STXBP5: variants seen among roughly 807,000 people sequenced by gnomAD.
STXBP5 encodes the protein syntaxin binding protein 5.
A neutral mutation model predicts 152.4 loss-of-function variants in STXBP5; 50 were observed. The ratio of observed to expected loss-of-function variants is 0.33; its 90% CI spans 0.26 to 0.42. The LOEUF (loss-of-function observed/expected upper bound fraction) is 0.42, where lower values mean the gene tolerates loss of function less well. Among genes scored for constraint, STXBP5 ranks in the 10% least tolerant of loss-of-function variants. STXBP5 has a pLI of 1.00. For missense variants in STXBP5, 1,167 were observed against 1,388.6 expected (o/e 0.84, Z 2.54); for synonymous variants, 492 against 494.7 (o/e 0.99, Z 0.07).
intron 21 of STXBP5, among the ~76,000 whole-genome samples, chr6:147,350,874 T>C (rs1364696264): frequency 1.3e-5 from 2 of 152,196 alleles, no homozygotes; most frequent in Non-Finnish European, 2.9e-5. Context: ...TATCCTCATA[T>C]GACAAATGAT....
intron 19 of STXBP5, 140 bp from the exon 20 acceptor site, chr6:147,339,039 C>G: frequency 1.5e-6 from 1 of 673,914 alleles, no homozygotes. Context: ...TTTACTTATA[C>G]ATGGCCTCTT....
At chr6:147,335,763 T>C (rs1450196651) in intron 19 of STXBP5, among the ~76,000 whole-genome samples, 1 of 151,590 alleles carries the variant, frequency 6.6e-6, no homozygotes, top group Non-Finnish European at 1.5e-5. Context: ...ATCGCGCCAC[T>C]GCACTCCAGC....
At chr6:147,365,013 A>AGTC (rs1785231419) in intron 25 of STXBP5, among the ~76,000 whole-genome samples, 1 of 152,176 alleles carries the variant, frequency 6.6e-6, no homozygotes, top group Non-Finnish European at 1.5e-5. Flanking sequence ...TCATCTTTAA[A>AGTC]ATTAGCATAG....
Position 147,313,914 on chromosome 6 carries a change from G to A in STXBP5, c.1176G>A (p.Leu392=). 1 of 1,578,754 alleles carries A rather than the reference G, an allele frequency of 6.3e-7. No individual in the cohort carries two copies. Among genetic ancestry groups the A allele is most frequent in the Non-Finnish European group, 8.6e-7 (1 of 1,156,500 alleles). Residue 392 remains leucine (L), a synonymous_variant, in exon 12 of 28, where the codon TTG becomes TTA. Transcript: ENST00000321680. ...GYPIFENPYP[L]SIHESPVTCC... ...CTATATTTGAAAATCCCTACCCTTT[G>A]AGTATACATGAGTCCCCTGTTACAT...
At chr6:147,267,195 A>G (rs748742251) in intron 7 of STXBP5, 28 bp downstream of exon 7, 30 of 1,557,460 alleles carry the variant, frequency 1.9e-5, no homozygotes, top group Non-Finnish European at 2.3e-5. Flanking sequence ...AGTAAAAGCT[A>G]TGGTCATTTC....
chr6:147,319,444 T>C (rs1392997551), intron 16 of STXBP5, among the ~76,000 whole-genome samples: 2 of 152,200 alleles, frequency 1.3e-5, no homozygotes, highest in Non-Finnish European at 2.9e-5. Flanking sequence ...TTTAGACCTT[T>C]GAGCATATGA....
Position 147,213,477 on chromosome 6 carries a change from T to TGTGTGTGTGCGCGCGCGCGCGCGCGC in STXBP5, c.248+7410_248+7411insTGTGTGTGCGCGCGCGCGCGCGCGCG. 3.7e-4 allele frequency among the ~76,000 whole-genome samples: 48 copies of TGTGTGTGTGCGCGCGCGCGCGCGCGC among 131,260 alleles called. 1 individual carries two copies. The highest frequency in any genetic ancestry group is 5.7e-4 in the Non-Finnish European group (36 of 63,244). 86.1% of individuals were successfully genotyped at this position (131,260 alleles called of 152,430 possible). A position where few individuals can be genotyped will look rare whatever the true frequency, so the allele number is the denominator to read the frequency against. ...GTGTGTGTGTGTGTGTGTGTGTGTG[T>TGTGTGTGTGCGCGCGCGCGCGCGCGC]GCGCGCGCATATATATATTTTTTCT... On this transcript the variant is annotated intron_variant, in intron 2 of 27. Coordinates refer to ENST00000321680, the MANE Select transcript of STXBP5 (RefSeq NM_001127715.4).
intron 4 of STXBP5, among the ~76,000 whole-genome samples, chr6:147,242,676 T>C (rs939480832): frequency 3.3e-5 from 5 of 152,206 alleles, no homozygotes; most frequent in Non-Finnish European, 5.9e-5. Context: ...TAACATGCTT[T>C]CCAGGTTTGT....
intron 26 of STXBP5, among the ~76,000 whole-genome samples, chr6:147,380,187 C>G (rs1353207622): frequency 6.6e-6 from 1 of 151,112 alleles, no homozygotes; most frequent in Non-Finnish European, 1.5e-5. Context: ...CACACACACA[C>G]ACACACACAC....
chr6:147,319,051 T>C (rs1782781627), intron 16 of STXBP5, among the ~76,000 whole-genome samples: 1 of 152,170 alleles, frequency 6.6e-6, no homozygotes, highest in Non-Finnish European at 1.5e-5. Flanking sequence ...CTAGACTTGC[T>C]TTGAATACTA....
chr6:147,302,549 C>G (rs147349554), intron 9 of STXBP5, among the ~76,000 whole-genome samples: 4 of 151,860 alleles, frequency 2.6e-5, no homozygotes, highest in African/African-American at 9.7e-5. Flanking sequence ...AGGCATGGTG[C>G]CTCATGCCTG....
At chr6:147,370,851 T>A (rs1423646889) in intron 25 of STXBP5, among the ~76,000 whole-genome samples, 1 of 152,082 alleles carries the variant, frequency 6.6e-6, no homozygotes, top group Non-Finnish European at 1.5e-5. Flanking sequence ...TCAGACTCAA[T>A]ACTCTTACAA....
intron 11 of STXBP5, among the ~76,000 whole-genome samples, chr6:147,312,167 CTATA>C (rs1306946598): frequency 1.3e-5 from 2 of 152,152 alleles, no homozygotes; most frequent in African/African-American, 2.4e-5. Flanking sequence ...CCATAAAACT[CTATA>C]TAACTTTCAA....
chr6:147,360,399 A>G (rs564506454), intron 23 of STXBP5, among the ~76,000 whole-genome samples: 1 of 152,302 alleles, frequency 6.6e-6, no homozygotes, highest in East Asian at 1.9e-4. Context: ...AACCAACACA[A>G]ATGGCCTTAT....
Position 147,327,154 on chromosome 6 carries a change from C to T in STXBP5, c.1958C>T (p.Ala653Val). 6.2e-7 allele frequency: 1 copy of T among 1,613,210 alleles called. No homozygotes were observed. Among genetic ancestry groups the T allele is most frequent in the Non-Finnish European group, 8.5e-7 (1 of 1,179,776 alleles). ...LVVFGNCNGI[A>V]MVDYLQKAVL... is the part of the protein sequence containing the mutation. ...GTTTTTGGCAATTGCAATGGCATTG[C>T]TATGGTTGACTACCTCCAGAAAGCA... The change falls in exon 18 of 28, where the codon GCT (alanine) becomes GTT (valine). Residue 653 changes from alanine (A) to valine (V), a missense_variant. By Grantham distance (64) the Ala-to-Val change is moderately conservative. Around this residue, in one of 3 missense-constraint regions of STXBP5, gnomAD observed 833 missense variants for 986.3 expected, o/e 0.84. Transcript: ENST00000321680.
intron 22 of STXBP5, among the ~76,000 whole-genome samples, chr6:147,353,993 A>G (rs1226398210): frequency 6.6e-6 from 1 of 152,178 alleles, no homozygotes. Flanking sequence ...TAAAAGTAAG[A>G]TTTCATGTAA....
Position 147,388,285 on chromosome 6 carries a change from A to G in STXBP5, c.*3530A>G, listed in dbSNP as rs541505903. 11 of 151,846 alleles carry G rather than the reference A, an allele frequency of 7.2e-5. No individual in the cohort carries two copies. The East Asian group carries it at 1.9e-3, about 27-fold the overall frequency. The allele number at this position is 151,846 out of a possible 1,614,324, so 9.4% of individuals were successfully genotyped here. A position where few individuals can be genotyped will look rare whatever the true frequency, so the allele number is the denominator to read the frequency against. On this transcript the variant is annotated 3_prime_UTR_variant, in exon 28 of 28. Coordinates refer to ENST00000321680, the MANE Select transcript of STXBP5 (RefSeq NM_001127715.4). ...CTTAAATAAACTGATCAGTTTTAAA[A>G]CCTTTAATAGGGTTTTATATAGATT...
Position 147,206,007 on chromosome 6 carries a change from C to T in STXBP5, c.187C>T (p.Leu63=), listed in dbSNP as rs141223320. Residue 63 remains leucine (L), a synonymous_variant, in exon 2 of 28, where the codon CTG becomes TTG. Transcript: ENST00000321680. ...RHGFPYQPSA[L]AFDPVQKILA... is the part of the protein sequence containing the mutation. ...TGGATTTCCCTATCAACCCTCAGCC[C>T]TGGCCTTTGATCCTGTACAGAAGAT... The T allele has an allele frequency of 6.4e-5, 103 of 1,614,156 alleles. No individual in the cohort carries two copies. The African/African-American group carries it at 1.3e-3, about 20-fold the overall frequency.
intron 26 of STXBP5, among the ~76,000 whole-genome samples, chr6:147,379,107 GA>G (rs34796123): frequency 4.0e-5 from 6 of 148,634 alleles, no homozygotes; most frequent in Non-Finnish European, 7.5e-5. Flanking sequence ...CCCACAGCTG[GA>G]AAAAAAAAAA....
Sources: gnomAD v4.1 joint callset for allele counts (sites outside exome capture counted in the v4.1 genomes callset) on GRCh38, gnomAD v4.1.1 for gene constraint, gnomAD v4.1.1 regional missense constraint, MANE v1.5 for transcripts, NCBI Gene and HGNC (gene_info 2026-07-23, HGNC 2026-07-21) for gene names.